CEP85L: variants seen among roughly 807,000 people sequenced by gnomAD.
CEP85L encodes centrosomal protein 85L, also known as centrosomal protein of 85 kDa-like.
CEP85L carries 60 observed loss-of-function variants against 100.3 expected under a neutral mutation model. The observed-to-expected ratio is 0.60, with a 90% CI of 0.49 to 0.74. The LOEUF (loss-of-function observed/expected upper bound fraction) is 0.74. Ranked by LOEUF, CEP85L falls within the 30% of genes least tolerant of loss-of-function variation. CEP85L has a pLI of 0.00. For synonymous variants in CEP85L, 319 were observed against 322.7 expected (o/e 0.99, Z 0.12); for missense variants, 973 against 936.2 (o/e 1.04, Z -0.51).
chr6:118,662,761 A>C (rs12210025), intron 1 of CEP85L, among the ~76,000 whole-genome samples: 14,877 of 152,162 alleles, frequency 0.098, 862 homozygotes, highest in African/African-American at 0.14. Context: ...ACATATGGAC[A>C]TGGGAGTGCA....
At chr6:118,542,923 A>AAAAAAAAAC (rs1554216838) in intron 3 of CEP85L, among the ~76,000 whole-genome samples, 7 of 143,932 alleles carry the variant, frequency 4.9e-5, no homozygotes, top group South Asian at 2.2e-4. Context: ...AAAAAAAAAA[A>AAAAAAAAAC]CAGGATATTC....
At chr6:118,573,797 A>G (rs1780053385) in intron 2 of CEP85L, among the ~76,000 whole-genome samples, 1 of 152,198 alleles carries the variant, frequency 6.6e-6, no homozygotes, top group East Asian at 1.9e-4. Flanking sequence ...GCAAAAGAAT[A>G]AAGTTAGACC....
intron 1 of CEP85L, among the ~76,000 whole-genome samples, chr6:118,701,895 C>T (rs535712826): frequency 1.1e-4 from 17 of 152,100 alleles, no homozygotes; most frequent in African/African-American, 1.9e-4. Context: ...AGGTCAAATG[C>T]CTGAATAAAA....
chr6:118,476,109 A>T (rs1470086571), intron 10 of CEP85L, among the ~76,000 whole-genome samples: 1 of 152,140 alleles, frequency 6.6e-6, no homozygotes, highest in Non-Finnish European at 1.5e-5. Flanking sequence ...GATTCAAGTG[A>T]GCTGTCTTCA....
intron 2 of CEP85L, among the ~76,000 whole-genome samples, chr6:118,631,287 A>G (rs891437962): frequency 6.6e-6 from 1 of 152,232 alleles, no homozygotes; most frequent in African/African-American, 2.4e-5. Context: ...AGGAAATACC[A>G]TTATACTATC....
At chr6:118,475,347 ATTTT>A (rs34878583) in intron 10 of CEP85L, among the ~76,000 whole-genome samples, 4 of 79,022 alleles carry the variant, frequency 5.1e-5, no homozygotes, top group African/African-American at 1.0e-4. Context: ...TGTAGGTGAC[ATTTT>A]TTTTTTTTTT....
At chr6:118,675,443 G>T (rs1214384399) in intron 1 of CEP85L, among the ~76,000 whole-genome samples, 1 of 151,848 alleles carries the variant, frequency 6.6e-6, no homozygotes, top group Non-Finnish European at 1.5e-5. Flanking sequence ...CTCCAAAAAG[G>T]TACAACCATT....
chr6:118,704,259 C>T (rs1688638), intron 1 of CEP85L, among the ~76,000 whole-genome samples: 7,694 of 152,200 alleles, frequency 0.051, 359 homozygotes, highest in African/African-American at 0.13. Context: ...TTTGGAATTT[C>T]CCTTTGGGGG....
intron 1 of CEP85L, among the ~76,000 whole-genome samples, chr6:118,667,263 A>T (rs1776161978): frequency 6.6e-6 from 1 of 152,204 alleles, no homozygotes; most frequent in Admixed American, 6.5e-5. Context: ...AAATTGGGTC[A>T]CCATTGCTTG....
chr6:118,685,832 G>T (rs1176705507), intron 1 of CEP85L, among the ~76,000 whole-genome samples: 2 of 152,196 alleles, frequency 1.3e-5, no homozygotes, highest in African/African-American at 4.8e-5. Flanking sequence ...GAAAAAGGTA[G>T]TAAAAAATGT....
intron 2 of CEP85L, among the ~76,000 whole-genome samples, chr6:118,618,196 C>T (rs1207966028): frequency 2.0e-5 from 3 of 152,230 alleles, no homozygotes; most frequent in East Asian, 1.9e-4. Context: ...GAGACAGCCA[C>T]ATCTTCTGAC....
At chr6:118,647,087 TCATTGTTAC>T (rs1217354971) in intron 1 of CEP85L, 1 of 984,796 alleles carries the variant, frequency 1.0e-6, no homozygotes, top group Non-Finnish European at 1.2e-6. Flanking sequence ...GAGTTATGTT[TCATTGTTAC>T]CACAGTATTC....
intron 2 of CEP85L, among the ~76,000 whole-genome samples, chr6:118,630,580 A>G (rs1774081495): frequency 6.6e-6 from 1 of 152,246 alleles, no homozygotes; most frequent in African/African-American, 2.4e-5. Context: ...GTACATCCAG[A>G]CAATGGGATA....
At chr6:118,510,649 G>A (rs1460821865) in intron 5 of CEP85L, among the ~76,000 whole-genome samples, 2 of 152,120 alleles carry the variant, frequency 1.3e-5, no homozygotes, top group Non-Finnish European at 2.9e-5. Flanking sequence ...CTCTCCTAAA[G>A]AGCAATTTGA....
chr6:118,613,931 G>GA (rs1445665580), intron 2 of CEP85L, among the ~76,000 whole-genome samples: 1 of 151,822 alleles, frequency 6.6e-6, no homozygotes, highest in Non-Finnish European at 1.5e-5. Flanking sequence ...GAGTACCTGA[G>GA]AAAAAAACTA....
chr6:118,591,493 C>A (rs565611208), intron 2 of CEP85L, among the ~76,000 whole-genome samples: 1 of 152,254 alleles, frequency 6.6e-6, no homozygotes, highest in Non-Finnish European at 1.5e-5. Context: ...AGGTCACTTT[C>A]CACAACCAAT....
intron 2 of CEP85L, among the ~76,000 whole-genome samples, chr6:118,609,141 A>T (rs533054731): frequency 2.4e-4 from 37 of 152,346 alleles, no homozygotes; most frequent in African/African-American, 8.7e-4. Flanking sequence ...TGGGATGATC[A>T]GTTTATTTAA....
chr6:118,547,885 C>T (rs940732726), intron 3 of CEP85L, among the ~76,000 whole-genome samples: 13 of 152,128 alleles, frequency 8.5e-5, no homozygotes, highest in African/African-American at 2.9e-4. Context: ...TATGAAGACA[C>T]GTATTAAAGC....
chr6:118,519,476 C>CAG (rs1776503568), intron 4 of CEP85L, among the ~76,000 whole-genome samples: 1 of 11,904 alleles, frequency 8.4e-5, no homozygotes, highest in Non-Finnish European at 1.6e-4. Context: ...GTGTGTGTGG[C>CAG]GGGGGGGGGT....
Sources: gnomAD v4.1 joint callset for allele counts (sites outside exome capture counted in the v4.1 genomes callset) on GRCh38, gnomAD v4.1.1 for gene constraint, MANE v1.5 for transcripts, NCBI Gene and HGNC (gene_info 2026-07-23, HGNC 2026-07-21) for gene names.